UBA3: variants seen among roughly 807,000 people sequenced by gnomAD.
UBA3 encodes the protein ubiquitin like modifier activating enzyme 3.
Under a neutral mutation model 73.5 loss-of-function variants are expected in UBA3, and 26 were observed. That is an observed-to-expected ratio of 0.35 (90% CI 0.26 to 0.49). The LOEUF (loss-of-function observed/expected upper bound fraction) is 0.49. Among genes scored for constraint, UBA3 ranks in the 20% least tolerant of loss-of-function variants. UBA3 has a pLI of 0.98. For synonymous variants in UBA3, 217 were observed against 191.2 expected, an observed-to-expected ratio of 1.13 and a Z score of -1.11; for missense variants, 495 against 555.6, an observed-to-expected ratio of 0.89 and a Z score of 1.10.
At chr3:69,057,060 G>A (rs1866263) in intron 12 of UBA3, among the ~76,000 whole-genome samples, 196 bp downstream of exon 12, 27,670 of 152,076 alleles carry the variant, frequency 0.18, 2,726 homozygotes, top group African/African-American at 0.26. Context: ...GAACTAAAAC[G>A]TCTCTTTACT....
intron 12 of UBA3, 102 bp downstream of exon 12, chr3:69,057,154 C>A: frequency 8.5e-7 from 1 of 1,180,626 alleles, no homozygotes; most frequent in Non-Finnish European, 1.2e-6. Context: ...GTTACACAAC[C>A]CATCCAAGAA....
At chr3:69,076,568 C>CTT (rs199513758) in intron 3 of UBA3, 178 of 148,274 alleles carry the variant, frequency 1.2e-3, no homozygotes, top group African/African-American at 3.9e-3. Flanking sequence ...GTAACAGCTG[C>CTT]TTTTTTTTTT....
rs2092024581 is a variant in UBA3 at position 69,061,876 on chromosome 3, T to C, written c.848A>G (p.Gln283Arg). The C allele has an allele frequency of 1.2e-6, 2 of 1,612,144 alleles. No individual in the cohort carries two copies. The highest frequency in any genetic ancestry group is 4.5e-5 in the East Asian group (2 of 44,824). The change falls in exon 11 of 18, where the codon CAA becomes CGA. Residue 283 changes from glutamine (Q) to arginine (R), a missense_variant. By Grantham distance (43) the Gln-to-Arg change is conservative (BLOSUM62 1). Transcript: ENST00000361055. ...TTGTGATGCTCTCTCTAGGGATTTT[T>C]GGAAAATCCATTGTATATGTTCAGG... ...DDPEHIQWIF[Q>R]KSLERASQYN...
In UBA3 at chr3:69,071,633, C is replaced by T. The variant is rs745953881; in HGVS notation, c.265-16G>A. 1 of 1,473,612 alleles carries T rather than the reference C, an allele frequency of 6.8e-7. No homozygotes were observed. The highest frequency in any genetic ancestry group is 2.6e-5 in the Admixed American group (1 of 38,440). 91.3% of individuals were successfully genotyped at this position (1,473,612 alleles called of 1,614,324 possible). On this transcript the variant is annotated splice_polypyrimidine_tract_variant and intron_variant, in intron 4 of 17. Transcript: ENST00000361055. Reference sequence around the variant, plus strand: ...CAGACAAGGCCTGTGGGAATAAAAACAATCCAATTAAGCAGAAGTTTCCTC... The same window carrying T: ...CAGACAAGGCCTGTGGGAATAAAAATAATCCAATTAAGCAGAAGTTTCCTC...
At chr3:69,055,775 G>T (rs2091967431) in intron 17 of UBA3, 76 bp downstream of exon 17, 3 of 1,407,798 alleles carry the variant, frequency 2.1e-6, no homozygotes, top group Non-Finnish European at 3.0e-6. Flanking sequence ...AGGAAATCTA[G>T]AACAAGCACT....
At chr3:69,064,539 A>T (rs2092051101) in intron 6 of UBA3, among the ~76,000 whole-genome samples, 1 of 152,216 alleles carries the variant, frequency 6.6e-6, no homozygotes, top group South Asian at 2.1e-4. Flanking sequence ...GTTACTGCAA[A>T]GCTCATTTTT....
At chr3:69,063,380 G>C (rs1277783268) in intron 8 of UBA3, 59 bp downstream of exon 8, 3 of 1,501,348 alleles carry the variant, frequency 2.0e-6, no homozygotes, top group Non-Finnish European at 2.7e-6. Flanking sequence ...TCTAATTTTG[G>C]GGATGTGAAG....
intron 2 of UBA3, 172 bp downstream of exon 2, chr3:69,079,940 C>G: frequency 1.7e-6 from 1 of 585,014 alleles, no homozygotes; most frequent in South Asian, 2.3e-5. Context: ...CCGGGAGCGG[C>G]CCGCCAGGCC....
intron 4 of UBA3, among the ~76,000 whole-genome samples, chr3:69,074,308 C>T (rs943999100): frequency 2.6e-5 from 4 of 152,150 alleles, no homozygotes; most frequent in African/African-American, 7.2e-5. Flanking sequence ...ATGTTTGATA[C>T]GGTACTGTCA....
At chr3:69,060,726 G>C (rs1176658385) in intron 11 of UBA3, among the ~76,000 whole-genome samples, 1 of 152,000 alleles carries the variant, frequency 6.6e-6, no homozygotes. Context: ...GTGAGGCCTA[G>C]TGGGAGGTGT....
intron 8 of UBA3, 92 bp from the exon 9 acceptor site, chr3:69,063,229 G>A (rs2092038854): frequency 6.7e-7 from 1 of 1,489,636 alleles, no homozygotes; most frequent in Non-Finnish European, 9.2e-7. Context: ...AGTCGGTTGT[G>A]CTATTGAATA....
At chr3:69,078,326 G>GA (rs1444492374) in intron 2 of UBA3, among the ~76,000 whole-genome samples, 2 of 152,084 alleles carry the variant, frequency 1.3e-5, no homozygotes, top group Admixed American at 6.6e-5. Context: ...ATACAACAGA[G>GA]AAAAAAAGTC....
In UBA3 at chr3:69,055,672, G is replaced by A; in HGVS notation, c.1304-147C>T. The A allele has an allele frequency of 4.4e-6, 4 of 905,256 alleles. No homozygotes were observed. In the South Asian group the frequency reaches 6.8e-5, roughly 15 times the overall value. The allele number at this position is 905,256 out of a possible 1,614,324, so 56.1% of individuals were successfully genotyped here. A position where few individuals can be genotyped will look rare whatever the true frequency, so the allele number is the denominator to read the frequency against. On this transcript the variant is annotated intron_variant, in intron 17 of 17. Coordinates refer to ENST00000361055, the MANE Select transcript of UBA3 (RefSeq NM_003968.4). ...TCAAAGTAATATTTGATTTCTTAGA[G>A]ATTTTAAAATATTCTACTAAAAGAG...
rs373819696 is a variant in UBA3 at position 69,062,068 on chromosome 3, G to A, written c.796+9C>T. 6.4e-7 allele frequency: 1 copy of A among 1,567,354 alleles called. No homozygotes were observed. Among genetic ancestry groups the A allele is most frequent in the South Asian group, 1.1e-5 (1 of 87,140 alleles). On this transcript the variant is annotated intron_variant, in intron 10 of 17. Transcript: ENST00000361055. ...ATGTAATTCTAGATTATTAAATTAG[G>A]TTTATTACCTCCAAAAGGCTGCTCC...
chr3:69,056,338 T>C, intron 14 of UBA3, 55 bp from the exon 15 acceptor site: 1 of 1,312,542 alleles, frequency 7.6e-7, no homozygotes, highest in Non-Finnish European at 1.0e-6. Context: ...TATTAGTCTC[T>C]TTTATGAACA....
Position 69,067,951 on chromosome 3 carries a change from T to G in UBA3, c.405A>C (p.Arg135Ser). 1 of 1,607,370 alleles carries G rather than the reference T, an allele frequency of 6.2e-7. No individual in the cohort carries two copies. Among genetic ancestry groups the G allele is most frequent in the South Asian group, 1.1e-5 (1 of 89,810 alleles). Residue 135 changes from arginine to serine, a missense_variant, in exon 6 of 18, where the codon AGA (arginine) becomes AGC (serine). Coordinates refer to ENST00000361055, the MANE Select transcript of UBA3 (RefSeq NM_003968.4). The stretch of plus-strand genomic sequence containing the variant: ...ACGGAACTACATTGCAATTAGGAAC[T>G]CTGTCATTTAGAAATTCTGCAGCAA... The part of the protein sequence containing the change: ...AEVAAEFLND[R>S]VPNCNVVPHF...
intron 3 of UBA3, among the ~76,000 whole-genome samples, chr3:69,076,207 C>A (rs1248680296): frequency 6.6e-6 from 1 of 152,136 alleles, no homozygotes; most frequent in East Asian, 1.9e-4. Flanking sequence ...GGATCAAGCA[C>A]TGCCCAAAGT....
chr3:69,056,758 A>C (rs1476306328), intron 13 of UBA3, 21 bp downstream of exon 13: 1 of 1,612,234 alleles, frequency 6.2e-7, no homozygotes, highest in African/African-American at 1.3e-5. Context: ...TTACATGCAT[A>C]TTAAAAATGA....
In UBA3 at chr3:69,056,065, TAAAG is replaced by T; in HGVS notation, c.1185-6_1185-3del. The T allele has an allele frequency of 6.3e-7, 1 of 1,599,874 alleles. No homozygotes were observed. Among genetic ancestry groups the T allele is most frequent in the Non-Finnish European group, 8.5e-7 (1 of 1,176,026 alleles). ...GTGATGGCTGGAGATTTCATTTGCC[TAAAG>T]ATTATGATGAGAGAGAAGTATCAAA... On this transcript the variant is annotated splice_region_variant and splice_polypyrimidine_tract_variant and intron_variant, in intron 15 of 17. Coordinates refer to ENST00000361055, the MANE Select transcript of UBA3 (RefSeq NM_003968.4).
Sources: gnomAD v4.1 joint callset for allele counts (sites outside exome capture counted in the v4.1 genomes callset) on GRCh38, gnomAD v4.1.1 for gene constraint, MANE v1.5 for transcripts, NCBI Gene and HGNC (gene_info 2026-07-23, HGNC 2026-07-21) for gene names.